Variants in ANKRD30B observed in about 807,000 individuals in gnomAD.
ANKRD30B encodes the protein ankyrin repeat domain 30B, also known as ankyrin repeat domain-containing protein 30B.
In ANKRD30B, 144 loss-of-function variants were observed where a neutral mutation model predicts 202.2. That is an observed-to-expected ratio of 0.71 (90% CI 0.62 to 0.82). ANKRD30B has a LOEUF of 0.82. ANKRD30B is among the 40% of genes least tolerant of loss of function. The pLI is 0.00. For missense variants in ANKRD30B, 1,487 were observed against 1,669.1 expected (o/e 0.89, Z 1.90); for synonymous variants, 508 against 561.3 (o/e 0.91, Z 1.34).
At chr18:14,798,669 G>T (rs768162464) in intron 20 of ANKRD30B, among the ~76,000 whole-genome samples, 14 of 152,044 alleles carry the variant, frequency 9.2e-5, no homozygotes, top group Non-Finnish European at 1.9e-4. Flanking sequence ...CCATTTATAG[G>T]CTCTCCACAA....
intron 5 of ANKRD30B, among the ~76,000 whole-genome samples, chr18:14,759,900 T>TA: frequency 1.3e-5 from 2 of 152,270 alleles, no homozygotes; most frequent in African/African-American, 2.4e-5. Context: ...ACACTTTTTT[T>TA]AAAAAAATTA....
chr18:14,822,800 A>C, intron 32 of ANKRD30B, 123 bp downstream of exon 32: 1 of 1,293,344 alleles, frequency 7.7e-7, no homozygotes, highest in Non-Finnish European at 1.0e-6. Context: ...TTTGACACAA[A>C]TAATGCCAAT....
chr18:14,910,558 T>G, the ANKRD30B span, among the ~76,000 whole-genome samples: 2 of 151,608 alleles, frequency 1.3e-5, no homozygotes, highest in East Asian at 3.9e-4. Context: ...TCCACATTTT[T>G]GCTATTGGGA....
intron 20 of ANKRD30B, among the ~76,000 whole-genome samples, chr18:14,798,089 G>A (rs1167217526): frequency 6.6e-6 from 1 of 152,178 alleles, no homozygotes; most frequent in Admixed American, 6.5e-5. Context: ...AGCCTGCAAT[G>A]CAACGGGGCC....
Position 14,803,727 on chromosome 18 carries a change from T to G in ANKRD30B, c.2194-7T>G. 6.3e-7 allele frequency: 1 copy of G among 1,589,046 alleles called. No homozygotes were observed. The highest frequency in any genetic ancestry group is 8.6e-7 in the Non-Finnish European group (1 of 1,167,038). On this transcript the variant is annotated splice_polypyrimidine_tract_variant and splice_region_variant and intron_variant, in intron 23 of 43. Transcript: ENST00000690538. ...TTGAAATTATTTATTGATATTACTT[T>G]TAACAGAGTTTCCTTGAGACTCTCT... is the stretch of plus-strand genomic sequence containing the variant.
At chr18:14,927,260 C>T in the ANKRD30B span, among the ~76,000 whole-genome samples, 1 of 151,800 alleles carries the variant, frequency 6.6e-6, no homozygotes, top group African/African-American at 2.4e-5. Flanking sequence ...TAAAAAATAC[C>T]CACTAATTCC....
At chr18:14,851,402 A>G in intron 41 of ANKRD30B, 107 bp from the exon 42 acceptor site, 2 of 1,224,790 alleles carry the variant, frequency 1.6e-6, no homozygotes, top group Non-Finnish European at 2.2e-6. Context: ...ACCTACTTAT[A>G]AAAACCCTTT....
At chr18:14,781,976 T>A (rs969100874) in intron 11 of ANKRD30B, among the ~76,000 whole-genome samples, 1 of 152,252 alleles carries the variant, frequency 6.6e-6, no homozygotes, top group African/African-American at 2.4e-5. Flanking sequence ...GGTAAACTAC[T>A]CTGCCTTCCT....
the ANKRD30B span, among the ~76,000 whole-genome samples, chr18:14,937,692 G>T: frequency 1.3e-5 from 2 of 152,210 alleles, no homozygotes; most frequent in Non-Finnish European, 2.9e-5. Flanking sequence ...TCTGTGAATT[G>T]TCCTCAATAA....
the ANKRD30B span, among the ~76,000 whole-genome samples, chr18:14,911,723 C>T: frequency 0.012 from 1,837 of 152,178 alleles, 38 homozygotes; most frequent in African/African-American, 0.042. Context: ...GCTGTATGGT[C>T]ACTTTAACAA....
At chr18:14,827,699 A>G (rs1348921450) in intron 32 of ANKRD30B, among the ~76,000 whole-genome samples, 1 of 152,194 alleles carries the variant, frequency 6.6e-6, no homozygotes, top group Admixed American at 6.5e-5. Context: ...AACTGCTTCT[A>G]GTCCATTTGT....
the ANKRD30B span, among the ~76,000 whole-genome samples, chr18:14,886,643 C>A: frequency 1.3e-5 from 2 of 151,996 alleles, no homozygotes; most frequent in Non-Finnish European, 2.9e-5. Context: ...CATGTTTTAT[C>A]CTTTCAAAAT....
At chr18:14,822,163 A>T (rs1362026252) in intron 30 of ANKRD30B, among the ~76,000 whole-genome samples, 1 of 152,146 alleles carries the variant, frequency 6.6e-6, no homozygotes, top group Non-Finnish European at 1.5e-5. Flanking sequence ...ATCTTACTAA[A>T]TTCAACCTCT....
At position 14,763,777 on chromosome 18, in the gene ANKRD30B, C is replaced by T. The variant is rs545767204; in HGVS notation, c.912C>T (p.Asp304=). 4.3e-4 allele frequency: 687 copies of T among 1,613,924 alleles called. 7 individuals are homozygous for T. The South Asian group carries it at 7.2e-3, about 17-fold the overall frequency. The change falls in exon 7 of 44, where the codon GAC becomes GAT. Residue 304 remains aspartate, a synonymous_variant. Coordinates refer to ENST00000690538, the MANE Select transcript of ANKRD30B (RefSeq NM_001367607.2). ...AAAGCTTGCTGGAAAAAACACCTGA[C>T]GAGGCTGCACGCTTGGTGGAGGGAA... ...TAESLLEKTP[D]EAARLVEGTS...
rs1443979499 is a variant in ANKRD30B, at chr18:14,829,738, A to G, written c.2774+1430A>G. On this transcript the variant is annotated intron_variant, in intron 33 of 43. Transcript: ENST00000690538. ...ATTGGAGGAATGGGCAAACTTCAAG[A>G]TTTCTATTGAAAGATTTAGAAAAAA... 4.6e-5 allele frequency among the ~76,000 whole-genome samples: 7 copies of G among 152,300 alleles called. No homozygotes were observed. The East Asian group carries it at 1.2e-3, about 25-fold the overall frequency.
intron 37 of ANKRD30B, among the ~76,000 whole-genome samples, chr18:14,841,564 C>A (rs2143183656): frequency 6.6e-6 from 1 of 152,244 alleles, no homozygotes; most frequent in Non-Finnish European, 1.5e-5. Context: ...TTACAGATGT[C>A]AGATACTACC....
At chr18:14,919,881 A>C in the ANKRD30B span, among the ~76,000 whole-genome samples, 1 of 152,184 alleles carries the variant, frequency 6.6e-6, no homozygotes, top group Admixed American at 6.5e-5. Flanking sequence ...CTGGGGCAGA[A>C]GTGGGGGCTA....
chr18:14,819,728 G>A (rs1433603265), intron 30 of ANKRD30B, among the ~76,000 whole-genome samples: 2 of 152,070 alleles, frequency 1.3e-5, no homozygotes, highest in Non-Finnish European at 2.9e-5. Flanking sequence ...CTATATCTCT[G>A]TTTCGGTACC....
chr18:14,848,353 T>G (rs1210002166), intron 39 of ANKRD30B, among the ~76,000 whole-genome samples: 3 of 152,142 alleles, frequency 2.0e-5, no homozygotes, highest in Non-Finnish European at 4.4e-5. Flanking sequence ...AATGCTTTTC[T>G]TCCCCCCTTG....
Sources: gnomAD v4.1 joint callset for allele counts (sites outside exome capture counted in the v4.1 genomes callset) on GRCh38, gnomAD v4.1.1 for gene constraint, MANE v1.5 for transcripts, NCBI Gene and HGNC (gene_info 2026-07-23, HGNC 2026-07-21) for gene names.